SCN2A: variants seen among roughly 807,000 people sequenced by gnomAD.
SCN2A encodes sodium voltage-gated channel alpha subunit 2, also known as sodium channel protein type 2 subunit alpha.
A neutral mutation model predicts 188.7 loss-of-function variants in SCN2A; 20 were observed. The ratio of observed to expected loss-of-function variants is 0.11; its 90% confidence interval spans 0.07 to 0.15. SCN2A has a LOEUF of 0.15. SCN2A is among the 10% of genes least tolerant of loss of function. SCN2A has a pLI of 1.00. For missense variants in SCN2A, 1,278 were observed against 2,445.0 expected, an observed-to-expected ratio of 0.52 and a Z score of 10.07; for synonymous variants, 804 against 833.1, an observed-to-expected ratio of 0.97 and a Z score of 0.60.
intron 17 of SCN2A, among the ~76,000 whole-genome samples, chr2:165,358,655 A>G (rs1478645600): frequency 1.3e-5 from 2 of 152,068 alleles, no homozygotes; most frequent in Non-Finnish European, 2.9e-5. Context: ...AAATAGATTT[A>G]GAGTCCATCT....
At chr2:165,295,285 G>A (rs554902878) in intron 1 of SCN2A, among the ~76,000 whole-genome samples, 22 of 152,328 alleles carry the variant, frequency 1.4e-4, no homozygotes, top group African/African-American at 5.1e-4. Flanking sequence ...ACTCTTAAAT[G>A]TGATAAAGTG....
At chr2:165,350,689 G>A (rs1402656941) in intron 16 of SCN2A, among the ~76,000 whole-genome samples, 1 of 56,040 alleles carries the variant, frequency 1.8e-5, no homozygotes, top group East Asian at 5.7e-4. Context: ...AGCCGGGATG[G>A]TCTCGATCTC....
intron 14 of SCN2A, among the ~76,000 whole-genome samples, chr2:165,340,075 CAT>C (rs906562501): frequency 6.6e-6 from 1 of 152,118 alleles, no homozygotes; most frequent in Non-Finnish European, 1.5e-5. Flanking sequence ...ATCAGGAACA[CAT>C]AAATAAATGT....
Position 165,353,981 on chromosome 2 carries a change from G to A in SCN2A, c.2920-211G>A, listed in dbSNP as rs56148220. Among the ~76,000 whole-genome samples, 296 of 152,218 alleles carry A rather than the reference G, an allele frequency of 1.9e-3. 2 individuals carry two copies. Among genetic ancestry groups the A allele is most frequent in the Middle Eastern group, 3.4e-3 (1 of 292 alleles). On this transcript the variant is annotated intron_variant, in intron 16 of 26. Transcript: ENST00000375437. ...CAATGATTTCAGTATTTTCTGCAAT[G>A]ACTAAAAAGCAAATAGTGATAATAG...
rs768796023 is a variant in SCN2A, at chr2:165,370,184, C to T, written c.3734C>T (p.Ala1245Val). 2 of 1,614,032 alleles carry T rather than the reference C, an allele frequency of 1.2e-6. No homozygotes were observed. The highest frequency in any genetic ancestry group is 1.7e-6 in the Non-Finnish European group (2 of 1,179,944). ...ACCATTAAGACCATGTTAGAATATG[C>T]TGACAAGGTTTTCACTTACATATTC... ...RKTIKTMLEY[A>V]DKVFTYIFIL... Residue 1245 changes from alanine to valine, a missense_variant, in exon 20 of 27, where the codon GCT becomes GTT. Physicochemically the swap from Ala to Val is moderately conservative, Grantham distance 64 (BLOSUM62 0). Transcript: ENST00000375437.
At chr2:165,380,763 A>G in intron 24 of SCN2A, 34 bp downstream of exon 24, 1 of 1,489,188 alleles carries the variant, frequency 6.7e-7, no homozygotes, top group Non-Finnish European at 9.3e-7. Flanking sequence ...TTGCTCTGAA[A>G]TATGAACTAA....
intron 3 of SCN2A, 117 bp from the exon 4 acceptor site, chr2:165,307,731 A>G: frequency 1.3e-6 from 1 of 778,118 alleles, no homozygotes; most frequent in East Asian, 2.4e-5. Context: ...TAATAGAATA[A>G]TAAGCAACAA....
chr2:165,337,511 G>A (rs754012154), intron 14 of SCN2A, among the ~76,000 whole-genome samples: 5 of 152,004 alleles, frequency 3.3e-5, no homozygotes, highest in Non-Finnish European at 7.4e-5. Flanking sequence ...TAAATATAAA[G>A]TAAGCCATAC....
At chr2:165,251,631 C>G (rs1694099568) in intron 1 of SCN2A, among the ~76,000 whole-genome samples, 1 of 152,194 alleles carries the variant, frequency 6.6e-6, no homozygotes, top group South Asian at 2.1e-4. Flanking sequence ...GTGGCCCCTA[C>G]TCCCTCTGAT....
intron 25 of SCN2A, among the ~76,000 whole-genome samples, chr2:165,386,498 A>G (rs1701881818): frequency 6.6e-6 from 1 of 151,850 alleles, no homozygotes; most frequent in African/African-American, 2.4e-5. Flanking sequence ...AGAGAGAGAG[A>G]TAAGATTTGA....
chr2:165,373,219 GTA>G lies in SCN2A; in HGVS notation c.3850-3_3850-2del, dbSNP rs1559397716. 6.2e-7 allele frequency: 1 copy of G among 1,613,072 alleles called. No individual in the cohort carries two copies. The highest frequency in any genetic ancestry group is 1.1e-5 in the South Asian group (1 of 91,062). On this transcript the variant is annotated splice_region_variant and splice_polypyrimidine_tract_variant and intron_variant, in intron 20 of 26. Coordinates refer to ENST00000375437, the MANE Select transcript of SCN2A (RefSeq NM_001040142.2). Reference sequence around the variant, plus strand: ...ATAAGAAAATTGTGTTGCTTTTTCTGTATAGGTCTCACTGGTTAGCTTAACTG... The same window carrying G: ...ATAAGAAAATTGTGTTGCTTTTTCTGTAGGTCTCACTGGTTAGCTTAACTG...
At chr2:165,244,512 TC>T (rs1171232359) in intron 1 of SCN2A, among the ~76,000 whole-genome samples, 2 of 151,736 alleles carry the variant, frequency 1.3e-5, no homozygotes, top group African/African-American at 4.9e-5. Flanking sequence ...AATGAAAAAA[TC>T]TTATCATGTA....
chr2:165,297,912 T>C (rs1696594452), intron 3 of SCN2A, among the ~76,000 whole-genome samples: 1 of 152,180 alleles, frequency 6.6e-6, no homozygotes. Flanking sequence ...GGCAATTTGA[T>C]TGATTCCTTG....
intron 1 of SCN2A, among the ~76,000 whole-genome samples, 174 bp downstream of exon 1, chr2:165,239,814 A>G (rs758943838): frequency 2.6e-5 from 4 of 152,276 alleles, no homozygotes; most frequent in Admixed American, 6.5e-5. Context: ...ATGAGCTCTG[A>G]CTATGACATA....
chr2:165,373,594 T>A (rs1021382986), intron 21 of SCN2A, among the ~76,000 whole-genome samples: 11 of 152,146 alleles, frequency 7.2e-5, no homozygotes, highest in African/African-American at 2.7e-4. Context: ...GGAAAATCTC[T>A]ATAGTTATGC....
intron 1 of SCN2A, among the ~76,000 whole-genome samples, chr2:165,259,163 A>G (rs1040570984): frequency 1.3e-5 from 2 of 152,254 alleles, no homozygotes; most frequent in Non-Finnish European, 2.9e-5. Flanking sequence ...AAAGCAATGT[A>G]CATACCTTAA....
chr2:165,287,240 G>A (rs775036097), intron 1 of SCN2A, among the ~76,000 whole-genome samples: 5 of 152,156 alleles, frequency 3.3e-5, no homozygotes, highest in South Asian at 2.1e-4. Flanking sequence ...GCCTGGTTAC[G>A]GCGTTTGCAT....
At chr2:165,312,404 T>A (rs903922242) in intron 8 of SCN2A, among the ~76,000 whole-genome samples, 1 of 152,184 alleles carries the variant, frequency 6.6e-6, no homozygotes, top group East Asian at 1.9e-4. Flanking sequence ...ATAAGTGTCA[T>A]ATTTTATATA....
chr2:165,245,542 C>G (rs966061147), intron 1 of SCN2A: 1 of 152,210 alleles, frequency 6.6e-6, no homozygotes, highest in African/African-American at 2.4e-5. Flanking sequence ...TATGTCTCCC[C>G]TGGATTGAGC....
Sources: gnomAD v4.1 joint callset for allele counts (sites outside exome capture counted in the v4.1 genomes callset) on GRCh38, gnomAD v4.1.1 for gene constraint, MANE v1.5 for transcripts, NCBI Gene and HGNC (gene_info 2026-07-23, HGNC 2026-07-21) for gene names.